Variants in POT1 observed in about 807,000 individuals in gnomAD.
POT1 encodes the protein protection of telomeres protein 1.
In POT1, 47 loss-of-function variants were observed where a neutral mutation model predicts 78.5. The ratio of observed to expected loss-of-function variants is 0.60; its 90% confidence interval spans 0.47 to 0.76. The LOEUF is 0.76. Among genes scored for constraint, POT1 ranks in the 30% least tolerant of loss-of-function variants. The pLI is 0.00. For synonymous variants in POT1, 259 were observed against 260.7 expected (o/e 0.99, Z 0.06); for missense variants, 646 against 749.9 (o/e 0.86, Z 1.62).
chr7:124,915,936 T>G (rs535098951), intron 2 of POT1, among the ~76,000 whole-genome samples: 1 of 152,254 alleles, frequency 6.6e-6, no homozygotes, highest in East Asian at 1.9e-4. Flanking sequence ...TTCCCTAGCT[T>G]TGTTTTAATC....
chr7:124,891,668 CT>C (rs374021345), intron 6 of POT1, among the ~76,000 whole-genome samples: 230 of 151,502 alleles, frequency 1.5e-3, no homozygotes, highest in African/African-American at 4.8e-3. Context: ...TTCTCATTTT[CT>C]TTTGTGTATC....
At position 124,853,044 on chromosome 7, in the gene POT1, T is replaced by A. The variant is rs1584765678; in HGVS notation, c.797A>T (p.His266Leu). ...QTMLSLEFHLHGGTSYGRGIR... is the reference protein window; with the variant it reads ...QTMLSLEFHLLGGTSYGRGIR... ...TCCCCGACCGTAACTGGTACCTCCA[T>A]GAAGATGAAACTCTAAACTTAACAT... is the stretch of plus-strand genomic sequence containing the variant. Residue 266 changes from histidine (H) to leucine (L), a missense_variant, in exon 10 of 19, where the codon CAT (histidine) becomes CTT (leucine). Physicochemically the swap from His to Leu is moderately conservative, Grantham distance 99. This residue lies in a region of POT1 where 252 missense variants were observed against 341.4 expected (regional missense o/e 0.74). Transcript: ENST00000357628. The A allele has an allele frequency of 6.2e-7, 1 of 1,613,014 alleles. No individual in the cohort carries two copies. Among genetic ancestry groups the A allele is most frequent in the Non-Finnish European group, 8.5e-7 (1 of 1,179,070 alleles).
At chr7:124,829,014 A>G in intron 16 of POT1, 1 of 708,048 alleles carries the variant, frequency 1.4e-6, no homozygotes, top group Non-Finnish European at 2.6e-6. Flanking sequence ...CTTACTGAGG[A>G]GGAAAAACAA....
intron 15 of POT1, among the ~76,000 whole-genome samples, chr7:124,832,555 C>G (rs1794792241): frequency 6.6e-6 from 1 of 152,000 alleles, no homozygotes; most frequent in African/African-American, 2.4e-5. Context: ...TGGCTCACAC[C>G]TGTAATCCCA....
At chr7:124,864,283 T>G (rs982918212) in intron 7 of POT1, among the ~76,000 whole-genome samples, 6 of 152,164 alleles carry the variant, frequency 3.9e-5, no homozygotes, top group African/African-American at 1.4e-4. Context: ...TTTTTTTTCC[T>G]ACAGTTTTAG....
Position 124,897,179 on chromosome 7 carries a change from C to G in POT1, c.-6G>C. The G allele has an allele frequency of 6.9e-7, 1 of 1,454,074 alleles. No individual in the cohort carries two copies. The highest frequency in any genetic ancestry group is 1.2e-5 in the South Asian group (1 of 82,636). 90.1% of individuals were successfully genotyped at this position (1,454,074 alleles called of 1,614,324 possible). A position where few individuals can be genotyped will look rare whatever the true frequency, so the allele number is the denominator to read the frequency against. On this transcript the variant is annotated 5_prime_UTR_variant, in exon 5 of 19. Transcript: ENST00000357628. The stretch of plus-strand genomic sequence containing the variant: ...TATCATCTTACCAAAGACATTGATT[C>G]TGTAGAAAAATCTCTTAAAGATTTG...
intron 8 of POT1, among the ~76,000 whole-genome samples, chr7:124,859,756 A>C (rs768141387): frequency 6.6e-6 from 1 of 151,416 alleles, no homozygotes; most frequent in Non-Finnish European, 1.5e-5. Flanking sequence ...AACACACAAA[A>C]GATAAGGCCG....
intron 18 of POT1, 48 bp downstream of exon 18, chr7:124,825,204 C>G: frequency 8.0e-7 from 1 of 1,245,764 alleles, no homozygotes; most frequent in Non-Finnish European, 1.2e-6. Flanking sequence ...TATGTTAGTG[C>G]TATCTCAAGT....
chr7:124,870,926 G>A lies in POT1; in HGVS notation c.240C>T (p.Arg80=), dbSNP rs1554429181. ...TGAATTATACCTTCAGCCTGTGAAA[G>A]CGAACAATATCTCCATTTTTATAAA... ...PIIYKNGDIV[R]FHRLKIQVYK... is the part of the protein sequence containing the mutation. The change falls in exon 7 of 19, where the codon CGC becomes CGT. Residue 80 remains arginine (R), a synonymous_variant. Transcript: ENST00000357628. 1 of 1,606,594 alleles carries A rather than the reference G, an allele frequency of 6.2e-7. No homozygotes were observed. The highest frequency in any genetic ancestry group is 1.3e-5 in the African/African-American group (1 of 74,734).
Position 124,841,047 on chromosome 7 carries a change from C to T in POT1, c.1295G>A (p.Arg432Gln), listed in dbSNP as rs772590775. 6.8e-6 allele frequency: 11 copies of T among 1,612,080 alleles called. No individual in the cohort carries two copies. The highest frequency in any genetic ancestry group is 5.0e-5 in the Admixed American group (3 of 59,968). The change falls in exon 14 of 19, where the codon CGA (arginine) becomes CAA (glutamine). Residue 432 changes from arginine to glutamine, a missense_variant. By Grantham distance (43) the Arg-to-Gln change is conservative. Coordinates refer to ENST00000357628, the MANE Select transcript of POT1 (RefSeq NM_015450.3). ...KIWTTKNQKG[R>Q]KVAVHFVKNN... ...TTTCACAAAATGAACTGCTACTTTT[C>T]GTCCTTTTTGATTTTTAGTGGTCCA...
At chr7:124,878,289 G>T (rs1220363525) in intron 6 of POT1, among the ~76,000 whole-genome samples, 1 of 152,024 alleles carries the variant, frequency 6.6e-6, no homozygotes, top group Non-Finnish European at 1.5e-5. Flanking sequence ...CTGAGATCAT[G>T]CCACTGCACT....
At chr7:124,918,441 A>G (rs1797070345) in intron 2 of POT1, among the ~76,000 whole-genome samples, 2 of 152,194 alleles carry the variant, frequency 1.3e-5, no homozygotes, top group Non-Finnish European at 2.9e-5. Flanking sequence ...CTAACCAAAT[A>G]AACAGTGTGA....
intron 2 of POT1, among the ~76,000 whole-genome samples, chr7:124,921,859 A>C (rs1230675196): frequency 1.3e-5 from 2 of 152,072 alleles, no homozygotes; most frequent in African/African-American, 4.8e-5. Context: ...AAGGGTAATA[A>C]TGTGGCAGGA....
chr7:124,826,871 A>AAAC (rs1794643043), intron 17 of POT1, among the ~76,000 whole-genome samples: 1 of 150,354 alleles, frequency 6.7e-6, no homozygotes, highest in Non-Finnish European at 1.5e-5. Context: ...TCCATCTCAA[A>AAAC]AAACAAACAA....
chr7:124,825,601 T>A (rs1049486025), intron 17 of POT1, among the ~76,000 whole-genome samples: 2 of 152,116 alleles, frequency 1.3e-5, no homozygotes, highest in Admixed American at 6.5e-5. Context: ...ATAATGATGA[T>A]GGTAATAATG....
intron 3 of POT1, among the ~76,000 whole-genome samples, chr7:124,915,085 G>A (rs570503219): frequency 1.6e-4 from 24 of 152,206 alleles, no homozygotes; most frequent in African/African-American, 5.3e-4. Flanking sequence ...CAAGAACTAA[G>A]TTTTGTTCAC....
intron 6 of POT1, among the ~76,000 whole-genome samples, chr7:124,884,594 G>A (rs985146551): frequency 1.3e-5 from 2 of 149,720 alleles, no homozygotes; most frequent in African/African-American, 4.9e-5. Flanking sequence ...CAAAAAGGAT[G>A]AGAGATCTCT....
chr7:124,916,823 A>T (rs1797026364), intron 2 of POT1, among the ~76,000 whole-genome samples: 1 of 152,204 alleles, frequency 6.6e-6, no homozygotes, highest in Non-Finnish European at 1.5e-5. Context: ...ATTCATTTAC[A>T]TGCGCTTCTC....
chr7:124,844,864 G>A (rs577840471), intron 12 of POT1, among the ~76,000 whole-genome samples: 2 of 151,328 alleles, frequency 1.3e-5, no homozygotes, highest in South Asian at 4.2e-4. Context: ...ATTTTAAAAT[G>A]CTTTCAAACT....
Sources: gnomAD v4.1 joint callset for allele counts (sites outside exome capture counted in the v4.1 genomes callset) on GRCh38, gnomAD v4.1.1 for gene constraint, gnomAD v4.1.1 regional missense constraint, MANE v1.5 for transcripts, NCBI Gene and HGNC (gene_info 2026-07-23, HGNC 2026-07-21) for gene names.